The following TCF4 variants were observed in gnomAD, a reference collection of about 807,000 sequenced individuals.
The protein encoded by TCF4 is SL3-3 enhancer factor 2.
A neutral mutation model predicts 82.1 loss-of-function variants in TCF4; 3 were observed. That is an observed-to-expected ratio of 0.04 (90% CI 0.02 to 0.09). The LOEUF is 0.09. Among genes scored for constraint, TCF4 ranks in the 10% least tolerant of loss-of-function variants. The pLI is 1.00. For synonymous variants in TCF4, 276 were observed against 309.6 expected (o/e 0.89, Z 1.14); for missense variants, 518 against 852.7 (o/e 0.61, Z 4.89).
At chr18:55,434,814 G>T (rs1236733655) in intron 5 of TCF4, among the ~76,000 whole-genome samples, 1 of 109,614 alleles carries the variant, frequency 9.1e-6, no homozygotes, top group Non-Finnish European at 2.1e-5. Flanking sequence ...ATTTTTGTAG[G>T]TACATAGTGG....
chr18:55,242,204 C>T (rs1002192085), intron 15 of TCF4, among the ~76,000 whole-genome samples: 4 of 152,222 alleles, frequency 2.6e-5, no homozygotes, highest in Non-Finnish European at 4.4e-5. Flanking sequence ...CACGAGCTCA[C>T]TATGCATTAC....
At chr18:55,426,416 AC>A (rs2094984609) in intron 5 of TCF4, among the ~76,000 whole-genome samples, 1 of 152,088 alleles carries the variant, frequency 6.6e-6, no homozygotes, top group Admixed American at 6.6e-5. Context: ...TTAAGTCAAT[AC>A]CCACAAAAAG....
At chr18:55,228,803 A>C in intron 18 of TCF4, 44 bp downstream of exon 18, 4 of 1,606,454 alleles carry the variant, frequency 2.5e-6, no homozygotes, top group Non-Finnish European at 3.4e-6. Context: ...TGTGCCTGCC[A>C]CAAGCTCCTC....
At chr18:55,557,215 T>C (rs933282274) in intron 3 of TCF4, among the ~76,000 whole-genome samples, 4 of 152,086 alleles carry the variant, frequency 2.6e-5, no homozygotes, top group African/African-American at 9.7e-5. Context: ...ATCTAACGTG[T>C]TCTAGTTGCC....
In TCF4 at chr18:55,434,419, C is replaced by CTTTTT. The variant is rs765165999; in HGVS notation, c.304+26595_304+26599dup. Among the ~76,000 whole-genome samples, 222 of 118,180 alleles carry CTTTTT rather than the reference C, an allele frequency of 1.9e-3. 5 individuals carry two copies. Among genetic ancestry groups the CTTTTT allele is most frequent in the African/African-American group, 2.7e-3 (83 of 30,294 alleles). The allele number at this position is 118,180 out of a possible 152,430, so 77.5% of individuals were successfully genotyped here. ...TTTTCAAACAGCAATACAGGACATT[C>CTTTTT]TTTTTTTTTTTTTTTTTTGAGATGG... On this transcript the variant is annotated intron_variant, in intron 5 of 19. Transcript: ENST00000354452.
At chr18:55,482,142 C>T (rs1045895731) in intron 3 of TCF4, 5 of 152,166 alleles carry the variant, frequency 3.3e-5, no homozygotes, top group Non-Finnish European at 2.9e-5. Flanking sequence ...GTTCTTTGTA[C>T]CCCTCACCTC....
rs747236692 is a variant in TCF4 at position 55,228,827 on chromosome 18, G to T, written c.1879+20C>A. 1 of 1,613,422 alleles carries T rather than the reference G, an allele frequency of 6.2e-7. No individual in the cohort carries two copies. Among genetic ancestry groups the T allele is most frequent in the South Asian group, 1.1e-5 (1 of 91,042 alleles). ...CACAAGCTCCTCACGAGCTCTGCAA[G>T]GAGGCTGGCCTGCACTGACCTCGGA... On this transcript the variant is annotated intron_variant, in intron 18 of 19. Transcript: ENST00000354452.
At chr18:55,621,925 C>CTATATAT (rs1363623193) in intron 2 of TCF4, among the ~76,000 whole-genome samples, 1 of 41,992 alleles carries the variant, frequency 2.4e-5, no homozygotes, top group African/African-American at 1.0e-4. Context: ...TATATATACA[C>CTATATAT]TATATACTAT....
At chr18:55,508,071 G>C (rs1055380226) in intron 3 of TCF4, among the ~76,000 whole-genome samples, 3 of 152,042 alleles carry the variant, frequency 2.0e-5, no homozygotes, top group Non-Finnish European at 4.4e-5. Flanking sequence ...CTGACCAGAG[G>C]ACCAGCAGCA....
chr18:55,301,061 C>T lies in TCF4; in HGVS notation c.550-21405G>A, dbSNP rs976026418. ...TGGAGAAAGCTCGTTACCGCTAAGC[C>T]ACATCTGTCTTCCTCCCCTCCCACC... is the stretch of plus-strand genomic sequence containing the variant. On this transcript the variant is annotated intron_variant, in intron 8 of 19. Coordinates refer to ENST00000354452, the MANE Select transcript of TCF4 (RefSeq NM_001083962.2). Among the ~76,000 whole-genome samples, 8 of 152,234 alleles carry T rather than the reference C, an allele frequency of 5.3e-5. No individual in the cohort carries two copies. The East Asian group carries it at 1.5e-3, about 29-fold the overall frequency.
chr18:55,384,744 C>T (rs986795714), intron 6 of TCF4, among the ~76,000 whole-genome samples: 22 of 151,994 alleles, frequency 1.4e-4, no homozygotes, highest in African/African-American at 5.3e-4. Context: ...CACCAGGGGG[C>T]ACTTTGGGGC....
intron 6 of TCF4, among the ~76,000 whole-genome samples, chr18:55,397,950 T>C (rs973826483): frequency 6.6e-6 from 1 of 152,216 alleles, no homozygotes; most frequent in Non-Finnish European, 1.5e-5. Context: ...TTCATTTTAT[T>C]ATTTTTTCAA....
intron 11 of TCF4, 26 bp from the exon 12 acceptor site, chr18:55,261,559 A>C: frequency 1.9e-6 from 3 of 1,613,722 alleles, no homozygotes; most frequent in Non-Finnish European, 2.5e-6. Context: ...GCAGAATATG[A>C]AAACCAGGCA....
intron 8 of TCF4, among the ~76,000 whole-genome samples, chr18:55,346,899 A>G (rs1311582897): frequency 2.0e-5 from 3 of 152,164 alleles, no homozygotes; most frequent in African/African-American, 7.2e-5. Flanking sequence ...CTTTCATGTT[A>G]ATTTCTGTTA....
At chr18:55,403,179 A>G (rs2093921291) in intron 6 of TCF4, among the ~76,000 whole-genome samples, 1 of 152,150 alleles carries the variant, frequency 6.6e-6, no homozygotes, top group Admixed American at 6.5e-5. Flanking sequence ...TTTCACCGAC[A>G]TTGCTGGTTT....
intron 8 of TCF4, among the ~76,000 whole-genome samples, chr18:55,334,496 C>A (rs2078232676): frequency 6.6e-6 from 1 of 151,930 alleles, no homozygotes; most frequent in Non-Finnish European, 1.5e-5. Flanking sequence ...AGCTAAGACC[C>A]CCAGCTTAGA....
chr18:55,362,568 T>C (rs1012075248), intron 6 of TCF4, among the ~76,000 whole-genome samples: 2 of 152,154 alleles, frequency 1.3e-5, no homozygotes, highest in Admixed American at 1.3e-4. Context: ...TTTGTAAAAA[T>C]AACGGGCCTC....
chr18:55,305,157 T>C (rs897544655), intron 8 of TCF4, among the ~76,000 whole-genome samples: 1 of 152,198 alleles, frequency 6.6e-6, no homozygotes, highest in Non-Finnish European at 1.5e-5. Context: ...TTAAATGGAA[T>C]TGTCGTCTTC....
At chr18:55,583,348 T>C (rs929147556) in intron 3 of TCF4, among the ~76,000 whole-genome samples, 7 of 151,896 alleles carry the variant, frequency 4.6e-5, no homozygotes, top group African/African-American at 1.5e-4. Flanking sequence ...TATGTGTATG[T>C]GTGTATGTGT....
Sources: gnomAD v4.1 joint callset for allele counts (sites outside exome capture counted in the v4.1 genomes callset) on GRCh38, gnomAD v4.1.1 for gene constraint, MANE v1.5 for transcripts, NCBI Gene and HGNC (gene_info 2026-07-23, HGNC 2026-07-21) for gene names.